PPFIA2: variants seen among roughly 807,000 people sequenced by gnomAD.
PPFIA2 encodes PPFI scaffold protein A2.
A neutral mutation model predicts 175.5 loss-of-function variants in PPFIA2; 46 were observed. That is an observed-to-expected ratio of 0.26 (90% CI 0.21 to 0.34). The LOEUF is 0.34. PPFIA2 is among the 10% of genes least tolerant of loss of function. PPFIA2 has a pLI of 1.00. For missense variants in PPFIA2, 1,179 were observed against 1,506.1 expected, an observed-to-expected ratio of 0.78 and a Z score of 3.60; for synonymous variants, 568 against 511.4, an observed-to-expected ratio of 1.11 and a Z score of -1.49.
chr12:81,406,362 C>CCT (rs1242085155), intron 7 of PPFIA2, among the ~76,000 whole-genome samples: 2 of 152,034 alleles, frequency 1.3e-5, no homozygotes, highest in Non-Finnish European at 2.9e-5. Context: ...GATAGCCCAT[C>CCT]TGCAATTTAA....
At chr12:81,547,527 C>T (rs981961569) in intron 4 of PPFIA2, among the ~76,000 whole-genome samples, 5 of 152,174 alleles carry the variant, frequency 3.3e-5, no homozygotes, top group African/African-American at 1.2e-4. Flanking sequence ...AGGCATGCGC[C>T]ACTACACCTG....
At chr12:81,619,928 G>A (rs2061842046) in intron 4 of PPFIA2, among the ~76,000 whole-genome samples, 1 of 152,100 alleles carries the variant, frequency 6.6e-6, no homozygotes, top group South Asian at 2.1e-4. Context: ...GGGAGGCCGA[G>A]GCGGGCGGAT....
intron 8 of PPFIA2, among the ~76,000 whole-genome samples, chr12:81,398,593 A>G (rs749501283): frequency 1.8e-4 from 28 of 152,058 alleles, no homozygotes; most frequent in Non-Finnish European, 1.5e-4. Context: ...GTTGTTACAG[A>G]GATCAAATAA....
chr12:81,347,097 T>C (rs2059197670), intron 18 of PPFIA2, among the ~76,000 whole-genome samples: 1 of 147,070 alleles, frequency 6.8e-6, no homozygotes, highest in African/African-American at 2.6e-5. Flanking sequence ...CACACCCAGC[T>C]AATTTTTTTC....
chr12:81,263,301 G>T lies in PPFIA2; in HGVS notation c.3645C>A (p.Ser1215=). 6.2e-7 allele frequency: 1 copy of T among 1,612,524 alleles called. No homozygotes were observed. Among genetic ancestry groups the T allele is most frequent in the Non-Finnish European group, 8.5e-7 (1 of 1,178,810 alleles). The part of the protein sequence containing the change: ...EVHGISMMPG[S]SETLPAGFRL... ...TAAATCCAGCTGGTAATGTTTCTGA[G>T]GACCCAGGCATCATGCTGATTCCAT... The change falls in exon 31 of 33, where the codon TCC becomes TCA. Residue 1215 remains serine (S), a synonymous_variant. Coordinates refer to ENST00000549396, the MANE Select transcript of PPFIA2 (RefSeq NM_003625.5).
At chr12:81,450,324 T>C (rs1287428906) in intron 5 of PPFIA2, among the ~76,000 whole-genome samples, 5 of 152,214 alleles carry the variant, frequency 3.3e-5, no homozygotes, top group Non-Finnish European at 5.9e-5. Context: ...TTTGTAATGA[T>C]TGCCATTCTA....
intron 7 of PPFIA2, among the ~76,000 whole-genome samples, chr12:81,422,707 T>C (rs1220847392): frequency 6.6e-6 from 1 of 151,968 alleles, no homozygotes; most frequent in Non-Finnish European, 1.5e-5. Flanking sequence ...CCTACCCCCA[T>C]GATAAAATTA....
intron 22 of PPFIA2, among the ~76,000 whole-genome samples, chr12:81,299,956 A>C (rs1042690068): frequency 2.8e-4 from 42 of 152,148 alleles, no homozygotes; most frequent in African/African-American, 1.0e-3. Context: ...TCCAAGGTAA[A>C]TTGATTTCTA....
chr12:81,617,519 TATGATACCTGTAA>T (rs1180733071), intron 4 of PPFIA2, among the ~76,000 whole-genome samples: 1 of 152,204 alleles, frequency 6.6e-6, no homozygotes, highest in East Asian at 1.9e-4. Flanking sequence ...CACAGTAGCC[TATGATACCTGTAA>T]ACATGTAGAT....
intron 4 of PPFIA2, among the ~76,000 whole-genome samples, chr12:81,639,961 C>A (rs2064732613): frequency 1.3e-5 from 2 of 152,118 alleles, no homozygotes; most frequent in African/African-American, 2.4e-5. Context: ...GCCAAAATTT[C>A]TTATATAAAT....
intron 4 of PPFIA2, among the ~76,000 whole-genome samples, chr12:81,627,546 T>G (rs1317489640): frequency 1.3e-5 from 2 of 152,130 alleles, no homozygotes; most frequent in Non-Finnish European, 2.9e-5. Context: ...CTGATTCCCG[T>G]GTCACACATG....
At chr12:81,696,552 G>C (rs973269387) in intron 3 of PPFIA2, among the ~76,000 whole-genome samples, 2 of 152,120 alleles carry the variant, frequency 1.3e-5, no homozygotes, top group African/African-American at 4.8e-5. Flanking sequence ...ATGAAGCAAA[G>C]ACATAAGCCA....
intron 3 of PPFIA2, among the ~76,000 whole-genome samples, chr12:81,701,948 G>C (rs2076543269): frequency 6.9e-6 from 1 of 143,904 alleles, no homozygotes; most frequent in Non-Finnish European, 1.5e-5. Flanking sequence ...TAAGAAGAAA[G>C]TGGCTGCAAC....
intron 4 of PPFIA2, among the ~76,000 whole-genome samples, chr12:81,523,538 A>T (rs2063396548): frequency 6.6e-6 from 1 of 152,210 alleles, no homozygotes; most frequent in African/African-American, 2.4e-5. Flanking sequence ...AATTATTATT[A>T]ATTATTGAAT....
Position 81,469,085 on chromosome 12 carries a change from A to G in PPFIA2, c.304-11219T>C, listed in dbSNP as rs796613460. Among the ~76,000 whole-genome samples, 4 of 152,324 alleles carry G rather than the reference A, an allele frequency of 2.6e-5. No individual in the cohort carries two copies. In the South Asian group the frequency reaches 6.2e-4, roughly 24 times the overall value. On this transcript the variant is annotated intron_variant, in intron 4 of 32. Coordinates refer to ENST00000549396, the MANE Select transcript of PPFIA2 (RefSeq NM_003625.5). ...CACACTAACATGACACGGTGTCATC[A>G]AATGTTCAAATAATGTAACATGCTC... is the stretch of plus-strand genomic sequence containing the variant.
At chr12:81,392,328 A>C (rs2040283518) in intron 8 of PPFIA2, among the ~76,000 whole-genome samples, 1 of 151,862 alleles carries the variant, frequency 6.6e-6, no homozygotes. Context: ...GGATGGGGCA[A>C]AATCCTGGAC....
intron 28 of PPFIA2, among the ~76,000 whole-genome samples, chr12:81,275,150 A>G (rs941171487): frequency 2.0e-5 from 3 of 152,236 alleles, no homozygotes; most frequent in African/African-American, 7.2e-5. Context: ...TCTGGGGTCC[A>G]TCTTTGGTCC....
intron 3 of PPFIA2, among the ~76,000 whole-genome samples, chr12:81,681,068 C>T (rs2073530630): frequency 1.3e-5 from 2 of 151,904 alleles, no homozygotes; most frequent in Admixed American, 1.3e-4. Flanking sequence ...AACATAAAAC[C>T]ATTTGGATTC....
chr12:81,427,750 A>G (rs982244802), intron 7 of PPFIA2, among the ~76,000 whole-genome samples: 1 of 152,170 alleles, frequency 6.6e-6, no homozygotes, highest in Admixed American at 6.5e-5. Flanking sequence ...TGAGTCCAAT[A>G]ATAGCAATAC....
Sources: gnomAD v4.1 joint callset for allele counts (sites outside exome capture counted in the v4.1 genomes callset) on GRCh38, gnomAD v4.1.1 for gene constraint, MANE v1.5 for transcripts, NCBI Gene and HGNC (gene_info 2026-07-23, HGNC 2026-07-21) for gene names.